TRMT44: variants seen among roughly 807,000 people sequenced by gnomAD.
The protein encoded by TRMT44 is tRNA methyltransferase 44 homolog.
In TRMT44, 78 loss-of-function variants were observed where a neutral mutation model predicts 77.3. The ratio of observed to expected loss-of-function variants is 1.01; its 90% CI spans 0.84 to 1.22. TRMT44 has a LOEUF of 1.22. Among genes scored for constraint, TRMT44 ranks in the 50% most tolerant of loss-of-function variants. The pLI, the probability that TRMT44 is intolerant of heterozygous loss-of-function variation, is 0.00. For missense variants in TRMT44, 1,090 were observed against 964.4 expected (o/e 1.13, Z -1.73); for synonymous variants, 391 against 383.3 (o/e 1.02, Z -0.23).
chr4:8,471,314 G>T, intron 10 of TRMT44, 114 bp downstream of exon 10: 1 of 767,254 alleles, frequency 1.3e-6, no homozygotes. Context: ...GACAGAAGCA[G>T]CAAGTTCCGC....
intron 2 of TRMT44, among the ~76,000 whole-genome samples, chr4:8,490,996 A>T (rs1285320321): frequency 6.6e-6 from 1 of 152,100 alleles, no homozygotes; most frequent in East Asian, 1.9e-4. Flanking sequence ...CGACTGGTGC[A>T]TTCACAAACC....
In TRMT44 at chr4:8,440,790, G is replaced by C. The variant is rs1294592406; in HGVS notation, c.-33G>C. The stretch of plus-strand genomic sequence containing the variant: ...CCACCGGGCTGCGTCATCTCGGCGC[G>C]CCGCTGCCAGGGCTGTACACCTGCT... On this transcript the variant is annotated 5_prime_UTR_variant, in exon 1 of 11. Transcript: ENST00000389737. 7 of 1,377,712 alleles carry C rather than the reference G, an allele frequency of 5.1e-6. No individual in the cohort carries two copies. The highest frequency in any genetic ancestry group is 4.7e-6 in the Non-Finnish European group (5 of 1,070,584). 85.3% of individuals were successfully genotyped at this position (1,377,712 alleles called of 1,614,324 possible).
rs1157588324 is a variant in TRMT44, at chr4:8,452,069, A to G, written c.1023+41A>G. 6.7e-7 allele frequency: 1 copy of G among 1,497,180 alleles called. No homozygotes were observed. The highest frequency in any genetic ancestry group is 9.0e-7 in the Non-Finnish European group (1 of 1,111,546). The allele number at this position is 1,497,180 out of a possible 1,614,324, so 92.7% of individuals were successfully genotyped here. On this transcript the variant is annotated intron_variant, in intron 4 of 10. Transcript: ENST00000389737. The surrounding 1 kb of genome is among the most constrained non-coding windows in gnomAD (Gnocchi z 5.7). Reference sequence around the variant, plus strand: ...ACCTCAGCTTCTCTGGAGTGGGTGGAGTTTGCTACAGGCAGATGTTCCCTG... The same window carrying G: ...ACCTCAGCTTCTCTGGAGTGGGTGGGGTTTGCTACAGGCAGATGTTCCCTG...
downstream of TRMT44, among the ~76,000 whole-genome samples, chr4:8,497,168 A>AT (rs1457220399): frequency 6.6e-6 from 1 of 151,962 alleles, no homozygotes; most frequent in African/African-American, 2.4e-5. Context: ...AGGGAAAAAA[A>AT]AAAAAAGAGA....
At chr4:8,499,471 C>T in the TRMT44 span, among the ~76,000 whole-genome samples, 13 of 152,012 alleles carry the variant, frequency 8.6e-5, no homozygotes, top group African/African-American at 3.1e-4. Context: ...TCTTCTTCAA[C>T]CCTCCAATTT....
At chr4:8,481,763 C>T (rs1416813747) in intron 2 of TRMT44, among the ~76,000 whole-genome samples, 1 of 152,240 alleles carries the variant, frequency 6.6e-6, no homozygotes, top group Non-Finnish European at 1.5e-5. Context: ...ATCACTGTCT[C>T]CCACCTCCTC....
chr4:8,501,768 G>A, the TRMT44 span, among the ~76,000 whole-genome samples: 1 of 152,136 alleles, frequency 6.6e-6, no homozygotes, highest in Non-Finnish European at 1.5e-5. This position sits in a 1 kb window ranked among gnomAD's most constrained non-coding sequence, Gnocchi z 4.4. Flanking sequence ...CTCAGTGACT[G>A]GAGTCTCAAG....
chr4:8,516,757 A>C, the TRMT44 span, among the ~76,000 whole-genome samples: 1 of 152,328 alleles, frequency 6.6e-6, no homozygotes, highest in East Asian at 1.9e-4. Context: ...CAGCCTGGGC[A>C]ACAGAGCAAG....
chr4:8,480,797 G>T (rs986771336), downstream of TRMT44, among the ~76,000 whole-genome samples: 5 of 152,170 alleles, frequency 3.3e-5, no homozygotes, highest in Non-Finnish European at 4.4e-5. Flanking sequence ...ATTCTCATCA[G>T]ATGGGTTTTA....
rs1726186741 is a variant in TRMT44 at position 8,462,022 on chromosome 4, A to T, written c.1204-1963A>T. On this transcript the variant is annotated intron_variant, in intron 6 of 10. Coordinates refer to ENST00000389737, the MANE Select transcript of TRMT44 (RefSeq NM_152544.3). ...ACTAAAAACAAAACACCTGTTTATAACAACAGCCTGGTGGTGATCACAAAT... is the reference window on the plus strand; with the variant it reads ...ACTAAAAACAAAACACCTGTTTATATCAACAGCCTGGTGGTGATCACAAAT... Among the ~76,000 whole-genome samples, 4 of 152,200 alleles carry T rather than the reference A, an allele frequency of 2.6e-5. 1 individual carries two copies. The highest frequency in any genetic ancestry group is 2.0e-4 in the Admixed American group (3 of 15,288).
At chr4:8,478,781 C>T (rs1292931974), downstream of TRMT44, 1 of 152,278 alleles carries the variant, frequency 6.6e-6, no homozygotes, top group Non-Finnish European at 1.5e-5. Flanking sequence ...GCTTTTCAGA[C>T]TAGTGCCACG....
At chr4:8,457,428 A>G (rs961087192) in intron 6 of TRMT44, among the ~76,000 whole-genome samples, 1 of 152,176 alleles carries the variant, frequency 6.6e-6, no homozygotes, top group African/African-American at 2.4e-5. Context: ...TTGATATTGG[A>G]CAATGCTCCT....
chr4:8,471,007 G>C (rs1007505827), intron 9 of TRMT44, 77 bp from the exon 10 acceptor site: 7 of 997,168 alleles, frequency 7.0e-6, no homozygotes, highest in Middle Eastern at 2.3e-4. Context: ...AACTGAAATG[G>C]ACTGTTTCTG....
rs17202499 is a variant in TRMT44 at position 8,471,112 on chromosome 4, C to T, written c.1956C>T (p.Asn652=). Residue 652 remains asparagine, a synonymous_variant, in exon 10 of 11, where the codon AAC becomes AAT. Transcript: ENST00000389737. ...GESLSLAEVA[N]ELDTETLRRL... ...GCCTATCTCTGGCAGAAGTAGCCAACGAGCTGGACACGGAGACCCTGCGGA... is the reference window on the plus strand; with the variant it reads ...GCCTATCTCTGGCAGAAGTAGCCAATGAGCTGGACACGGAGACCCTGCGGA... 0.034 allele frequency: 53,797 copies of T among 1,603,130 alleles called. 1,027 individuals carry two copies. The highest frequency in any genetic ancestry group is 0.046 in the Middle Eastern group (275 of 5,974).
At chr4:8,509,747 G>A in the TRMT44 span, 1 of 152,586 alleles carries the variant, frequency 6.6e-6, no homozygotes, top group African/African-American at 2.4e-5. Context: ...GCCCTTGTTT[G>A]CTGCGTCCAG....
the TRMT44 span, among the ~76,000 whole-genome samples, chr4:8,499,015 T>G: frequency 7.9e-5 from 12 of 152,072 alleles, no homozygotes; most frequent in Non-Finnish European, 1.3e-4. Flanking sequence ...TCTCTGTGGT[T>G]CTGTGGCTCC....
Position 8,452,034 on chromosome 4 carries a change from G to A in TRMT44, c.1023+6G>A. 1 of 1,536,390 alleles carries A rather than the reference G, an allele frequency of 6.5e-7. No homozygotes were observed. The highest frequency in any genetic ancestry group is 1.2e-5 in the South Asian group (1 of 84,048). On this transcript the variant is annotated splice_donor_region_variant and intron_variant, in intron 4 of 10. Coordinates refer to ENST00000389737, the MANE Select transcript of TRMT44 (RefSeq NM_152544.3). The surrounding 1 kb of genome is among the most constrained non-coding windows in gnomAD (Gnocchi z 5.7). Reference sequence around the variant, plus strand: ...CTATCGCAGCATACCTGCTGGTAAGGGTGTAAGCGACCTCAGCTTCTCTGG... The same window carrying A: ...CTATCGCAGCATACCTGCTGGTAAGAGTGTAAGCGACCTCAGCTTCTCTGG...
chr4:8,455,858 T>C (rs1243154864), intron 6 of TRMT44, among the ~76,000 whole-genome samples: 1 of 152,142 alleles, frequency 6.6e-6, no homozygotes, highest in African/African-American at 2.4e-5. Context: ...AATAAATACA[T>C]TGGAAAATTT....
rs1309306106 is a variant in TRMT44, at chr4:8,441,000, G to A, written c.178G>A (p.Gly60Arg). ...ALPCAEARGP[G>R]TSAGSEQKER... Reference sequence around the variant, plus strand: ...GCCCTGCGCGGAGGCCCGCGGCCCCGGGACTAGCGCAGGCTCGGAGCAGAA... The same window carrying A: ...GCCCTGCGCGGAGGCCCGCGGCCCCAGGACTAGCGCAGGCTCGGAGCAGAA... Residue 60 changes from glycine (G) to arginine (R), a missense_variant, in exon 1 of 11, where the codon GGG (glycine) becomes AGG (arginine). Physicochemically the swap from Gly to Arg is moderately radical, Grantham distance 125. Transcript: ENST00000389737. 4.6e-6 allele frequency: 7 copies of A among 1,519,692 alleles called. No homozygotes were observed. Among genetic ancestry groups the A allele is most frequent in the East Asian group, 2.5e-5 (1 of 40,404 alleles). The allele number at this position is 1,519,692 out of a possible 1,614,324, so 94.1% of individuals were successfully genotyped here. A position where few individuals can be genotyped will look rare whatever the true frequency, so the allele number is the denominator to read the frequency against.
Sources: allele counts gnomAD v4.1 joint callset (sites outside exome capture counted in the v4.1 genomes callset), GRCh38; gene constraint gnomAD v4.1.1; non-coding constraint Gnocchi (gnomAD v3.1); transcripts MANE v1.5; gene names NCBI Gene and HGNC (gene_info 2026-07-23, HGNC 2026-07-21).